The following DISP3 variants were observed in gnomAD, a reference collection of about 807,000 sequenced individuals.
DISP3 encodes protein dispatched homolog 3.
In DISP3, 101 loss-of-function variants were observed where a neutral mutation model predicts 135.3. The observed-to-expected ratio is 0.75, with a 90% confidence interval of 0.64 to 0.88. The LOEUF is 0.88. Among genes scored for constraint, DISP3 ranks in the 40% least tolerant of loss-of-function variants. The probability of loss-of-function intolerance (pLI) is 0.00; values close to 1 mark genes in which losing one functional copy is unlikely to be tolerated. For synonymous variants in DISP3, 856 were observed against 817.0 expected (o/e 1.05, Z -0.81); for missense variants, 1,713 against 1,878.6 (o/e 0.91, Z 1.63).
intron 4 of DISP3, among the ~76,000 whole-genome samples, chr1:11,514,891 A>G (rs1457250508): frequency 6.6e-6 from 1 of 152,116 alleles, no homozygotes; most frequent in African/African-American, 2.4e-5. Flanking sequence ...CTGCCCCCCG[A>G]TCACTTTTTC....
At chr1:11,528,832 G>A (rs965321234) in intron 13 of DISP3, among the ~76,000 whole-genome samples, 2 of 152,208 alleles carry the variant, frequency 1.3e-5, no homozygotes, top group African/African-American at 2.4e-5. Context: ...GCTTTGGAGT[G>A]TCAAACACCC....
At chr1:11,506,364 C>G (rs776260173) in intron 3 of DISP3, among the ~76,000 whole-genome samples, 4 of 152,108 alleles carry the variant, frequency 2.6e-5, no homozygotes, top group Non-Finnish European at 4.4e-5. Flanking sequence ...TTTTTGCACT[C>G]TGATTACACA....
At position 11,501,518 on chromosome 1, in the gene DISP3, C is replaced by T. The variant is rs919677541; in HGVS notation, c.526C>T (p.Pro176Ser). ...RQASRAPRVI[P>S]AASLGGPGPY... ...AGCCTCCCGAGCCCCCCGCGTCATC[C>T]CCGCGGCCTCACTCGGTGGCCCAGG... Residue 176 changes from proline (P) to serine (S), a missense_variant, in exon 2 of 21, where the codon CCC (proline) becomes TCC (serine). Physicochemically the swap from Pro to Ser is moderately conservative, Grantham distance 74. Coordinates refer to ENST00000294484, the MANE Select transcript of DISP3 (RefSeq NM_020780.2). This position sits in a 1 kb window ranked among gnomAD's most constrained non-coding sequence, Gnocchi z 4.9. The T allele has an allele frequency of 1.9e-6, 3 of 1,603,786 alleles. No individual in the cohort carries two copies. In the African/African-American group the frequency reaches 4.0e-5, roughly 21 times the overall value.
chr1:11,519,600 G>A lies in DISP3; in HGVS notation c.2038+97G>A, dbSNP rs189343695. The A allele has an allele frequency of 4.4e-6, 7 of 1,573,618 alleles. No homozygotes were observed. The highest frequency in any genetic ancestry group is 4.5e-5 in the East Asian group (2 of 44,358). ...CTTGACAAGTTGGTCCTGAGGCTGG[G>A]GGCCGGACAAGATGGCCTGTGGGCT... On this transcript the variant is annotated intron_variant, in intron 8 of 20. Coordinates refer to ENST00000294484, the MANE Select transcript of DISP3 (RefSeq NM_020780.2). The surrounding 1 kb of genome is among the most constrained non-coding windows in gnomAD (Gnocchi z 4.3).
Position 11,536,203 on chromosome 1 carries a change from CA to C in DISP3, c.3817-120del. The C allele has an allele frequency of 7.1e-7, 1 of 1,403,040 alleles. No homozygotes were observed. Among genetic ancestry groups the C allele is most frequent in the Non-Finnish European group, 9.4e-7 (1 of 1,066,080 alleles). 86.9% of individuals were successfully genotyped at this position (1,403,040 alleles called of 1,614,324 possible). A position where few individuals can be genotyped will look rare whatever the true frequency, so the allele number is the denominator to read the frequency against. ...CCTCCCAACCCTGGGAGGCCACTTG[CA>C]GCTCTCATCCCAGTAACAGAGCAGG... On this transcript the variant is annotated intron_variant, in intron 20 of 20. Transcript: ENST00000294484. The surrounding 1 kb of genome is among the most constrained non-coding windows in gnomAD (Gnocchi z 4.3).
chr1:11,498,414 T>A (rs1031298738), intron 1 of DISP3, among the ~76,000 whole-genome samples: 29 of 152,164 alleles, frequency 1.9e-4, no homozygotes, highest in Non-Finnish European at 1.3e-4. Flanking sequence ...CTACGAGTGA[T>A]CTCTCTGCAT....
intron 7 of DISP3, among the ~76,000 whole-genome samples, chr1:11,518,268 T>A (rs1642069062): frequency 6.6e-6 from 1 of 152,112 alleles, no homozygotes; most frequent in Non-Finnish European, 1.5e-5. Context: ...CCCATGACAA[T>A]GTCCGCTCGC....
intron 17 of DISP3, among the ~76,000 whole-genome samples, chr1:11,532,879 A>G (rs186404280): frequency 6.6e-6 from 1 of 151,854 alleles, no homozygotes; most frequent in East Asian, 1.9e-4. Flanking sequence ...TTTAATTTTT[A>G]TTTTTTGGTA....
At chr1:11,527,308 G>C (rs543533702) in intron 13 of DISP3, among the ~76,000 whole-genome samples, 1 of 152,030 alleles carries the variant, frequency 6.6e-6, no homozygotes, top group African/African-American at 2.4e-5. Context: ...ATCCCACCTC[G>C]GGAGGCCGAG....
chr1:11,496,012 T>C (rs1335553033), intron 1 of DISP3, among the ~76,000 whole-genome samples: 1 of 152,170 alleles, frequency 6.6e-6, no homozygotes, highest in African/African-American at 2.4e-5. Flanking sequence ...TGCAGAAAAA[T>C]TAGAAACAGA....
Position 11,514,540 on chromosome 1 carries a change from C to G in DISP3, c.1453+14C>G, listed in dbSNP as rs1641948346. The G allele has an allele frequency of 6.2e-7, 1 of 1,609,548 alleles. No homozygotes were observed. Among genetic ancestry groups the G allele is most frequent in the Admixed American group, 1.7e-5 (1 of 59,956 alleles). On this transcript the variant is annotated intron_variant, in intron 4 of 20. Coordinates refer to ENST00000294484, the MANE Select transcript of DISP3 (RefSeq NM_020780.2). Reference sequence around the variant, plus strand: ...CCTCCTGCTCAGGTAGGGCTTCTCTCAAGCCAGCCCCCTCCTCCCCTCCCA... The same window carrying G: ...CCTCCTGCTCAGGTAGGGCTTCTCTGAAGCCAGCCCCCTCCTCCCCTCCCA...
At chr1:11,497,901 CTTT>C (rs1174591465) in intron 1 of DISP3, among the ~76,000 whole-genome samples, 1 of 151,650 alleles carries the variant, frequency 6.6e-6, no homozygotes, top group South Asian at 2.1e-4. Context: ...CCTTTTCCTT[CTTT>C]GTCTCAACAA....
At chr1:11,494,673 C>G (rs1344787437) in intron 1 of DISP3, among the ~76,000 whole-genome samples, 1 of 152,190 alleles carries the variant, frequency 6.6e-6, no homozygotes, top group Non-Finnish European at 1.5e-5. Flanking sequence ...AATCAAAGAC[C>G]TCAAGATGTT....
chr1:11,535,636 C>G lies in DISP3; in HGVS notation c.3808C>G (p.Gln1270Glu). 6 of 1,611,772 alleles carry G rather than the reference C, an allele frequency of 3.7e-6. No homozygotes were observed. The highest frequency in any genetic ancestry group is 4.2e-6 in the Non-Finnish European group (5 of 1,179,586). Residue 1270 changes from glutamine (Q) to glutamate (E), a missense_variant, in exon 20 of 21, where the codon CAG becomes GAG. By Grantham distance (29) the Gln-to-Glu change is conservative. This residue lies in a region of DISP3 where 1,142 missense variants were observed against 1,384.6 expected (regional missense o/e 0.82). Transcript: ENST00000294484. ...LLAGENLPPH[Q>E]AEDARTQRQW... is the part of the protein sequence containing the mutation. Reference sequence around the variant, plus strand: ...GGCTGGAGAGAACCTGCCCCCCCACCAGGCCGAGGTGCGCACCCTGCCCGC... The same window carrying G: ...GGCTGGAGAGAACCTGCCCCCCCACGAGGCCGAGGTGCGCACCCTGCCCGC...
chr1:11,487,535 T>G (rs1315023678), intron 1 of DISP3, among the ~76,000 whole-genome samples: 1 of 152,236 alleles, frequency 6.6e-6, no homozygotes, highest in Non-Finnish European at 1.5e-5. Context: ...GAAATCAATT[T>G]GCATCATTCC....
At chr1:11,495,771 C>T (rs1450163005) in intron 1 of DISP3, among the ~76,000 whole-genome samples, 1 of 152,184 alleles carries the variant, frequency 6.6e-6, no homozygotes, top group African/African-American at 2.4e-5. Context: ...TTGCCAGCTC[C>T]CCCTGTCCAA....
chr1:11,530,242 C>T (rs1245863696), intron 15 of DISP3, among the ~76,000 whole-genome samples: 6 of 152,210 alleles, frequency 3.9e-5, no homozygotes, highest in Non-Finnish European at 2.9e-5. Context: ...TGGACACCTC[C>T]GTGCCCTCCT....
intron 5 of DISP3, 114 bp downstream of exon 5, chr1:11,515,617 T>C (rs993202544): frequency 4.9e-6 from 7 of 1,424,426 alleles, no homozygotes; most frequent in Non-Finnish European, 6.6e-6. Context: ...CAGCGCCTGC[T>C]GAGGCCTAGA....
chr1:11,510,054 G>A (rs955406753), intron 3 of DISP3, among the ~76,000 whole-genome samples: 7 of 152,110 alleles, frequency 4.6e-5, no homozygotes, highest in African/African-American at 7.2e-5. Flanking sequence ...AGCTGAGATC[G>A]TGCCACTGCA....
Sources: gnomAD v4.1 joint callset for allele counts (sites outside exome capture counted in the v4.1 genomes callset) on GRCh38, gnomAD v4.1.1 for gene constraint, gnomAD v4.1.1 regional missense constraint, Gnocchi (gnomAD v3.1) non-coding constraint, MANE v1.5 for transcripts, NCBI Gene and HGNC (gene_info 2026-07-23, HGNC 2026-07-21) for gene names.